The following FAM184B variants were observed in gnomAD, a reference collection of about 807,000 sequenced individuals.
The protein encoded by FAM184B is family with sequence similarity 184 member B.
FAM184B carries 111 observed loss-of-function variants against 135.9 expected under a neutral mutation model. The observed-to-expected ratio is 0.82, with a 90% CI of 0.70 to 0.96. The LOEUF (loss-of-function observed/expected upper bound fraction) is 0.96. FAM184B is among the 40% of genes least tolerant of loss of function. The pLI is 0.00. For missense variants in FAM184B, 1,375 were observed against 1,323.9 expected (o/e 1.04, Z -0.60); for synonymous variants, 552 against 524.8 (o/e 1.05, Z -0.71).
chr4:17,695,003 C>CCTAG (rs1553836368), intron 5 of FAM184B, among the ~76,000 whole-genome samples: 7 of 151,258 alleles, frequency 4.6e-5, no homozygotes, highest in African/African-American at 1.7e-4. Flanking sequence ...CTGCAAAGGC[C>CCTAG]CTGGAATGTT....
chr4:17,738,418 C>T (rs955352480), intron 1 of FAM184B, among the ~76,000 whole-genome samples: 11 of 152,094 alleles, frequency 7.2e-5, no homozygotes, highest in African/African-American at 2.7e-4. Flanking sequence ...TCATCATTAT[C>T]ATCAGAATAA....
rs367700222 is a variant in FAM184B at position 17,688,520 on chromosome 4, C to T, written c.1500G>A (p.Leu500=). ...LQNSLLEVLR[L]EEFIQQNKTR... is the part of the protein sequence containing the mutation. ...TCTTATTTTGTTGGATAAATTCTTC[C>T]AGCCTTAAAACCTAAAACAGGAGAT... Residue 500 remains leucine, a synonymous_variant, in exon 7 of 18, where the codon CTG becomes CTA. Coordinates refer to ENST00000265018, the MANE Select transcript of FAM184B (RefSeq NM_015688.2). 4.5e-6 allele frequency: 7 copies of T among 1,549,528 alleles called. No individual in the cohort carries two copies. The highest frequency in any genetic ancestry group is 6.1e-6 in the Non-Finnish European group (7 of 1,146,530).
At chr4:17,776,024 C>G (rs80142045) in intron 1 of FAM184B, among the ~76,000 whole-genome samples, 1 of 152,090 alleles carries the variant, frequency 6.6e-6, no homozygotes, top group Non-Finnish European at 1.5e-5. Context: ...ATTTTAGAAT[C>G]TTTTGGATAC....
chr4:17,772,473 G>A (rs1267915953), intron 1 of FAM184B, among the ~76,000 whole-genome samples: 6 of 152,172 alleles, frequency 3.9e-5, no homozygotes, highest in African/African-American at 1.4e-4. Flanking sequence ...TCCCATGGAA[G>A]ATGTATCTAC....
chr4:17,660,006 C>T lies in FAM184B; in HGVS notation c.1776G>A (p.Gln592=). 6.4e-7 allele frequency: 1 copy of T among 1,551,540 alleles called. No homozygotes were observed. Among genetic ancestry groups the T allele is most frequent in the Non-Finnish European group, 8.7e-7 (1 of 1,146,988 alleles). Residue 592 remains glutamine (Q), a synonymous_variant, in exon 9 of 18, where the codon CAG becomes CAA. Coordinates refer to ENST00000265018, the MANE Select transcript of FAM184B (RefSeq NM_015688.2). The stretch of plus-strand genomic sequence containing the variant: ...GGCTTTGCCAGTCCTCCTCTAGACG[C>T]TGGATTTTGGATGTTTTCTCCTTCA... The part of the protein sequence containing the change: ...SLLKEKTSKI[Q]RLEEDWQSQK...
At chr4:17,648,371 G>T (rs565767228) in intron 11 of FAM184B, among the ~76,000 whole-genome samples, 12 of 151,890 alleles carry the variant, frequency 7.9e-5, no homozygotes, top group Non-Finnish European at 1.6e-4. Context: ...TTTTGAGATG[G>T]AGTCTCGGTT....
At chr4:17,634,154 G>A (rs1193149080) in intron 16 of FAM184B, 1 of 294,228 alleles carries the variant, frequency 3.4e-6, no homozygotes, top group Non-Finnish European at 6.2e-6. Context: ...TAAGATTTTA[G>A]AAGGTCATGT....
rs139621747 is a variant in FAM184B at position 17,748,402 on chromosome 4, G to A, written c.141+32757C>T. Among the ~76,000 whole-genome samples, 637 of 152,034 alleles carry A rather than the reference G, an allele frequency of 4.2e-3. 1 individual carries two copies. Among genetic ancestry groups the A allele is most frequent in the Non-Finnish European group, 6.0e-3 (411 of 68,008 alleles). ...TGATAGAGTTGTCCCTGTCAGAAGT[G>A]GGAATCAAGACTCTTTGGTCCATTG... On this transcript the variant is annotated intron_variant, in intron 1 of 17. Coordinates refer to ENST00000265018, the MANE Select transcript of FAM184B (RefSeq NM_015688.2).
In FAM184B at chr4:17,638,253, A is replaced by G. The variant is rs571365739; in HGVS notation, c.2666+997T>C. Among the ~76,000 whole-genome samples the G allele has an allele frequency of 2.7e-5, 4 of 150,236 alleles. No homozygotes were observed. In the South Asian group the frequency reaches 8.4e-4, roughly 32 times the overall value. On this transcript the variant is annotated intron_variant, in intron 14 of 17. Transcript: ENST00000265018. ...GCCCAGGCTGGAGTGCAGGGGTGCA[A>G]TCACAGATCACTGCAACCTCAACCT... is the stretch of plus-strand genomic sequence containing the variant.
At chr4:17,634,979 A>AATGCATTAAAACCATTAGAACC in intron 16 of FAM184B, 30 bp downstream of exon 16, 1 of 1,444,648 alleles carries the variant, frequency 6.9e-7, no homozygotes, top group Non-Finnish European at 9.5e-7. Flanking sequence ...GGAATTGTAT[A>AATGCATTAAAACCATTAGAACC]ATGCATTAAA....
chr4:17,712,312 A>C (rs960786340), intron 1 of FAM184B, among the ~76,000 whole-genome samples: 2 of 152,210 alleles, frequency 1.3e-5, no homozygotes, highest in African/African-American at 4.8e-5. Flanking sequence ...GGGGTCAAAG[A>C]CTGAGAAATC....
intron 1 of FAM184B, among the ~76,000 whole-genome samples, chr4:17,713,671 A>T (rs1363889388): frequency 6.6e-6 from 1 of 152,160 alleles, no homozygotes. Flanking sequence ...AGCTTTTGTG[A>T]AGTCTCATAT....
chr4:17,742,168 A>ATTTTTTT lies in FAM184B; in HGVS notation c.142-32531_142-32525dup, dbSNP rs869228150. On this transcript the variant is annotated intron_variant, in intron 1 of 17. Coordinates refer to ENST00000265018, the MANE Select transcript of FAM184B (RefSeq NM_015688.2). ...TATATATATATATATATATATATATATTTTTTTTTTTTAAAGAGGCTGGCC... is the reference window on the plus strand; with the variant it reads ...TATATATATATATATATATATATATATTTTTTTTTTTTTTTTTTTAAAGAGGCTGGCC... Among the ~76,000 whole-genome samples, 62 of 109,288 alleles carry ATTTTTTT rather than the reference A, an allele frequency of 5.7e-4. 1 individual carries two copies. Among genetic ancestry groups the ATTTTTTT allele is most frequent in the African/African-American group, 2.9e-3 (61 of 20,786 alleles). 71.7% of individuals were successfully genotyped at this position (109,288 alleles called of 152,430 possible).
At chr4:17,712,787 C>G (rs530194930) in intron 1 of FAM184B, among the ~76,000 whole-genome samples, 1 of 152,092 alleles carries the variant, frequency 6.6e-6, no homozygotes, top group African/African-American at 2.4e-5. Context: ...AAGTCAAAAA[C>G]TAGAGGCTTA....
intron 1 of FAM184B, among the ~76,000 whole-genome samples, chr4:17,740,351 CAA>C (rs55801096): frequency 4.7e-5 from 4 of 84,514 alleles, no homozygotes; most frequent in African/African-American, 1.0e-4. Flanking sequence ...GACCCTGTCT[CAA>C]AAAAAAAAAA....
At chr4:17,717,318 A>ATGTTTT (rs752244619) in intron 1 of FAM184B, among the ~76,000 whole-genome samples, 110 of 152,238 alleles carry the variant, frequency 7.2e-4, no homozygotes, top group Non-Finnish European at 1.4e-3. Context: ...GAAAGGTCCC[A>ATGTTTT]TGTTTTAGAG....
intron 12 of FAM184B, among the ~76,000 whole-genome samples, chr4:17,645,798 G>A (rs1358045151): frequency 3.3e-5 from 5 of 151,832 alleles, no homozygotes; most frequent in Non-Finnish European, 7.4e-5. Flanking sequence ...GCAACCTACA[G>A]AATGGGAGAA....
chr4:17,723,527 G>T (rs190383127), intron 1 of FAM184B, among the ~76,000 whole-genome samples: 1 of 152,306 alleles, frequency 6.6e-6, no homozygotes, highest in East Asian at 1.9e-4. Flanking sequence ...GTCAGATGCT[G>T]CTCACTTAAC....
At chr4:17,703,034 T>C (rs2108962957) in intron 5 of FAM184B, among the ~76,000 whole-genome samples, 1 of 152,358 alleles carries the variant, frequency 6.6e-6, no homozygotes, top group African/African-American at 2.4e-5. Flanking sequence ...CTGTGTGTGT[T>C]GATATATAAC....
Sources: gnomAD v4.1 joint callset for allele counts (sites outside exome capture counted in the v4.1 genomes callset) on GRCh38, gnomAD v4.1.1 for gene constraint, MANE v1.5 for transcripts, NCBI Gene and HGNC (gene_info 2026-07-23, HGNC 2026-07-21) for gene names.